The following TMCC1 variants were observed in gnomAD, a reference collection of about 807,000 sequenced individuals.
The protein encoded by TMCC1 is transmembrane and coiled-coil domain family 1, also known as transmembrane and coiled-coil domains protein 1.
TMCC1 carries 15 observed loss-of-function variants against 52.4 expected under a neutral mutation model. The ratio of observed to expected loss-of-function variants is 0.29; its 90% CI spans 0.19 to 0.44. TMCC1 has a LOEUF of 0.44. TMCC1 is among the 20% of genes least tolerant of loss of function. The pLI is 1.00. For missense variants in TMCC1, 503 were observed against 806.0 expected (o/e 0.62, Z 4.55); for synonymous variants, 279 against 301.9 (o/e 0.92, Z 0.79).
chr3:129,724,282 T>C (rs2049902975), intron 4 of TMCC1, among the ~76,000 whole-genome samples: 2 of 152,134 alleles, frequency 1.3e-5, no homozygotes, highest in African/African-American at 2.4e-5. Flanking sequence ...CCAAAATACT[T>C]TGAATCCCAA....
At chr3:129,765,732 GT>G (rs2054069981) in intron 4 of TMCC1, among the ~76,000 whole-genome samples, 1 of 152,158 alleles carries the variant, frequency 6.6e-6, no homozygotes, top group Non-Finnish European at 1.5e-5. Flanking sequence ...ATTCCAGGGG[GT>G]TCTGGGTTAT....
chr3:129,748,789 G>A (rs1028723415), intron 4 of TMCC1, among the ~76,000 whole-genome samples: 6 of 152,122 alleles, frequency 3.9e-5, no homozygotes, highest in South Asian at 2.1e-4. Flanking sequence ...GATCTCTTAA[G>A]CCCGGGAGTT....
At chr3:129,727,947 T>C (rs1371538949) in intron 4 of TMCC1, among the ~76,000 whole-genome samples, 1 of 152,230 alleles carries the variant, frequency 6.6e-6, no homozygotes. Flanking sequence ...TCAAGGTCCC[T>C]GGCCAAAAGC....
intron 4 of TMCC1, among the ~76,000 whole-genome samples, chr3:129,797,986 C>CTTT (rs11417298): frequency 1.2e-4 from 16 of 136,622 alleles, no homozygotes; most frequent in Non-Finnish European, 1.2e-4. Context: ...AGTTGTGTGC[C>CTTT]TTTTTTTTTT....
At chr3:129,803,301 A>G (rs1020194175) in intron 4 of TMCC1, among the ~76,000 whole-genome samples, 1 of 152,226 alleles carries the variant, frequency 6.6e-6, no homozygotes, top group African/African-American at 2.4e-5. Flanking sequence ...CTTATATGAG[A>G]TATCTAGTGA....
chr3:129,760,401 A>AGTGTGTGTGT (rs200322394), intron 4 of TMCC1, among the ~76,000 whole-genome samples: 125 of 137,964 alleles, frequency 9.1e-4, no homozygotes, highest in African/African-American at 3.3e-3. Flanking sequence ...ACGCCAGGCT[A>AGTGTGTGTGT]GTGTGTGTGT....
chr3:129,797,714 C>T (rs1038181127), intron 4 of TMCC1, among the ~76,000 whole-genome samples: 2 of 152,186 alleles, frequency 1.3e-5, no homozygotes, highest in African/African-American at 4.8e-5. Context: ...CACTGCACTC[C>T]AGCCTGGGCG....
At chr3:129,795,910 T>C (rs1430347114) in intron 4 of TMCC1, among the ~76,000 whole-genome samples, 1 of 152,206 alleles carries the variant, frequency 6.6e-6, no homozygotes, top group East Asian at 1.9e-4. Context: ...TTATTTTACT[T>C]AATAATGGTC....
At chr3:129,766,319 C>T (rs2054126002) in intron 4 of TMCC1, among the ~76,000 whole-genome samples, 1 of 152,082 alleles carries the variant, frequency 6.6e-6, no homozygotes, top group South Asian at 2.1e-4. Flanking sequence ...ACATCTGTTT[C>T]TGAGCATTTC....
At chr3:129,869,331 T>G (rs928720925) in intron 2 of TMCC1, among the ~76,000 whole-genome samples, 1 of 152,210 alleles carries the variant, frequency 6.6e-6, no homozygotes, top group Non-Finnish European at 1.5e-5. Context: ...TGTATTTATT[T>G]CATTTAGCTG....
intron 4 of TMCC1, among the ~76,000 whole-genome samples, chr3:129,723,636 T>C (rs2049835587): frequency 6.6e-6 from 1 of 152,150 alleles, no homozygotes; most frequent in Non-Finnish European, 1.5e-5. Context: ...GACGGGACAC[T>C]CCAGGATGAT....
intron 4 of TMCC1, among the ~76,000 whole-genome samples, chr3:129,786,653 T>C (rs1486330272): frequency 6.6e-6 from 1 of 152,162 alleles, no homozygotes; most frequent in African/African-American, 2.4e-5. Context: ...AATTAAAAGC[T>C]CACGTTAGCA....
intron 2 of TMCC1, among the ~76,000 whole-genome samples, chr3:129,870,495 T>C (rs565943184): frequency 6.6e-6 from 1 of 152,056 alleles, no homozygotes; most frequent in South Asian, 2.1e-4. Context: ...ATCCTAGCAC[T>C]TTGGGAGGCC....
chr3:129,738,435 A>G (rs769478795), intron 4 of TMCC1, among the ~76,000 whole-genome samples: 14 of 152,238 alleles, frequency 9.2e-5, no homozygotes, highest in Non-Finnish European at 1.9e-4. Context: ...ATATTACACA[A>G]TTCTGTTGCA....
intron 4 of TMCC1, among the ~76,000 whole-genome samples, chr3:129,805,138 T>A (rs1237946527): frequency 6.6e-6 from 1 of 152,150 alleles, no homozygotes; most frequent in South Asian, 2.1e-4. Flanking sequence ...AGCCTTAATA[T>A]CGAAAGTCAC....
rs143617000 is a variant in TMCC1, at chr3:129,801,999, C to T, written c.576+25804G>A. 2.4e-3 allele frequency among the ~76,000 whole-genome samples: 367 copies of T among 152,280 alleles called. 3 individuals are homozygous for T. The highest frequency in any genetic ancestry group is 8.1e-3 in the African/African-American group (338 of 41,558). On this transcript the variant is annotated intron_variant, in intron 4 of 6. Coordinates refer to ENST00000393238, the MANE Select transcript of TMCC1 (RefSeq NM_001017395.5). ...TCAGAGCTTTCAAGTTAAAAATTAG[C>T]ACTTTGAAGGATTGCATCTTATACT...
chr3:129,723,302 C>A (rs996161674), intron 4 of TMCC1, among the ~76,000 whole-genome samples: 2 of 151,268 alleles, frequency 1.3e-5, no homozygotes, highest in African/African-American at 4.9e-5. Flanking sequence ...CAGAAAATTT[C>A]CAAGTCCTTG....
chr3:129,668,142 C>T (rs1045123680), intron 5 of TMCC1, among the ~76,000 whole-genome samples: 4 of 152,146 alleles, frequency 2.6e-5, no homozygotes, highest in African/African-American at 4.8e-5. Flanking sequence ...GAGCCAAGAT[C>T]GCACCACTGC....
At chr3:129,837,489 C>T (rs1367319814) in intron 2 of TMCC1, among the ~76,000 whole-genome samples, 1 of 152,152 alleles carries the variant, frequency 6.6e-6, no homozygotes, top group African/African-American at 2.4e-5. Context: ...TCAAACACAG[C>T]CCAATGCCTG....
Sources: allele counts gnomAD v4.1 joint callset (sites outside exome capture counted in the v4.1 genomes callset), GRCh38; gene constraint gnomAD v4.1.1; transcripts MANE v1.5; gene names NCBI Gene and HGNC (gene_info 2026-07-23, HGNC 2026-07-21).